ADAMTS20: variants seen among roughly 807,000 people sequenced by gnomAD.
ADAMTS20 encodes ADAM metallopeptidase with thrombospondin type 1 motif 20.
Under a neutral mutation model 260.1 loss-of-function variants are expected in ADAMTS20, and 225 were observed. The observed-to-expected ratio is 0.87, with a 90% CI of 0.78 to 0.97. ADAMTS20 has a LOEUF of 0.97. Ranked by LOEUF, ADAMTS20 falls within the 50% of genes least tolerant of loss-of-function variation. The probability of loss-of-function intolerance (pLI) is 0.00; values close to 1 mark genes in which losing one functional copy is unlikely to be tolerated. For missense variants in ADAMTS20, 2,400 were observed against 2,337.7 expected, an observed-to-expected ratio of 1.03 and a Z score of -0.55; for synonymous variants, 802 against 769.5, an observed-to-expected ratio of 1.04 and a Z score of -0.70.
intron 27 of ADAMTS20, among the ~76,000 whole-genome samples, chr12:43,426,299 A>G (rs1244060589): frequency 6.6e-6 from 1 of 152,242 alleles, no homozygotes; most frequent in African/African-American, 2.4e-5. Context: ...AATTTTCAAA[A>G]TAAGTGCATG....
At chr12:43,434,394 T>TA (rs1225948117) in intron 18 of ADAMTS20, 23 bp from the exon 19 acceptor site, 1 of 1,546,806 alleles carries the variant, frequency 6.5e-7, no homozygotes. Context: ...CAAATGAAAA[T>TA]AAAAAATGAA....
chr12:43,545,820 C>T (rs9634308), intron 2 of ADAMTS20, among the ~76,000 whole-genome samples: 51,267 of 151,798 alleles, frequency 0.34, 8,927 homozygotes, highest in East Asian at 0.55. Context: ...AGCTCTTACA[C>T]AGCTCTCCAA....
chr12:43,422,081 C>T lies in ADAMTS20; in HGVS notation c.4284+3433G>A, dbSNP rs148411363. 4.7e-3 allele frequency among the ~76,000 whole-genome samples: 720 copies of T among 152,106 alleles called. 6 individuals carry two copies. Among genetic ancestry groups the T allele is most frequent in the African/African-American group, 0.016 (682 of 41,534 alleles). On this transcript the variant is annotated intron_variant, in intron 28 of 38. Coordinates refer to ENST00000389420, the MANE Select transcript of ADAMTS20 (RefSeq NM_025003.5). ...AACGGGTTAAAATACAATCATTTCA[C>T]GCTGACTAATCACCAAAAATGTAGC...
intron 28 of ADAMTS20, among the ~76,000 whole-genome samples, chr12:43,404,718 A>T (rs1307430392): frequency 6.6e-6 from 1 of 152,156 alleles, no homozygotes; most frequent in African/African-American, 2.4e-5. Context: ...AATATTTAAT[A>T]CACTAAAAAT....
chr12:43,435,626 G>C (rs1313260860), intron 18 of ADAMTS20, among the ~76,000 whole-genome samples: 4 of 131,880 alleles, frequency 3.0e-5, no homozygotes, highest in Non-Finnish European at 6.2e-5. Flanking sequence ...GGGCAACAGA[G>C]TGAGACTCCA....
At chr12:43,427,529 TG>T in intron 26 of ADAMTS20, 60 bp from the exon 27 acceptor site, 1 of 1,437,144 alleles carries the variant, frequency 7.0e-7, no homozygotes, top group Non-Finnish European at 9.2e-7. Flanking sequence ...TGAATTTACA[TG>T]GTAAAAAAAA....
chr12:43,384,371 C>G (rs1940424617), intron 29 of ADAMTS20, among the ~76,000 whole-genome samples: 2 of 152,140 alleles, frequency 1.3e-5, no homozygotes, highest in Non-Finnish European at 2.9e-5. Flanking sequence ...CTCAAAGAAA[C>G]AATAATTTCC....
chr12:43,529,180 G>A (rs1943187126), intron 3 of ADAMTS20, among the ~76,000 whole-genome samples: 1 of 152,066 alleles, frequency 6.6e-6, no homozygotes, highest in Non-Finnish European at 1.5e-5. Flanking sequence ...TAGTGAAAGG[G>A]GAATGCTGAT....
intron 4 of ADAMTS20, among the ~76,000 whole-genome samples, chr12:43,496,982 T>G (rs1050891019): frequency 3.3e-5 from 5 of 152,138 alleles, no homozygotes; most frequent in Admixed American, 2.6e-4. Flanking sequence ...AGACTACACT[T>G]TAGGAAACAC....
rs1051689384 is a variant in ADAMTS20, at chr12:43,485,108, A to G, written c.1117+5287T>C. ...AAGGACGTAGCCAAAAAAAAAAAAA[A>G]AAAGCAACAACAACAACAACAAAAC... On this transcript the variant is annotated intron_variant, in intron 7 of 38. Transcript: ENST00000389420. Among the ~76,000 whole-genome samples, 7 of 132,592 alleles carry G rather than the reference A, an allele frequency of 5.3e-5. No individual in the cohort carries two copies. The Admixed American group carries it at 5.3e-4, about 10-fold the overall frequency. The allele number at this position is 132,592 out of a possible 152,430, so 87.0% of individuals were successfully genotyped here.
At chr12:43,389,670 G>A (rs1337803729) in intron 29 of ADAMTS20, among the ~76,000 whole-genome samples, 1 of 151,544 alleles carries the variant, frequency 6.6e-6, no homozygotes, top group African/African-American at 2.4e-5. Flanking sequence ...CATCAGCTTA[G>A]TGGGGACAAT....
In ADAMTS20 at chr12:43,432,307, G is replaced by C. The variant is rs111396063; in HGVS notation, c.3093C>G (p.Ser1031Arg). 3.3e-5 allele frequency: 53 copies of C among 1,613,306 alleles called. No homozygotes were observed. Among genetic ancestry groups the C allele is most frequent in the Non-Finnish European group, 4.2e-5 (49 of 1,179,698 alleles). The change falls in exon 21 of 39, where the codon AGC becomes AGG. Residue 1031 changes from serine (S) to arginine (R), a missense_variant. Coordinates refer to ENST00000389420, the MANE Select transcript of ADAMTS20 (RefSeq NM_025003.5). ...AAGCATCATGTGTTTAATGTACCTC[G>C]CTCCATTCACTAGCAGCCCAACTGG... Reference protein sequence around the residue: ...SCPSWAASEWSECLVTCGKGT... With the variant: ...SCPSWAASEWRECLVTCGKGT...
intron 7 of ADAMTS20, among the ~76,000 whole-genome samples, chr12:43,485,981 A>G (rs557693763): frequency 4.1e-4 from 63 of 152,310 alleles, no homozygotes; most frequent in South Asian, 6.2e-4. Flanking sequence ...GGAAAAATCA[A>G]TATCATTGAA....
intron 3 of ADAMTS20, among the ~76,000 whole-genome samples, chr12:43,511,656 T>C (rs1368752493): frequency 3.9e-5 from 6 of 152,180 alleles, no homozygotes; most frequent in African/African-American, 7.2e-5. Context: ...TGATGTACAA[T>C]AGGAACAATT....
intron 18 of ADAMTS20, among the ~76,000 whole-genome samples, chr12:43,436,273 A>C (rs1941553160): frequency 6.6e-6 from 1 of 152,180 alleles, no homozygotes; most frequent in Admixed American, 6.5e-5. Context: ...TTCCTCTGAC[A>C]GGGCGAATGT....
chr12:43,484,186 C>A (rs907860376), intron 7 of ADAMTS20, among the ~76,000 whole-genome samples: 3 of 151,984 alleles, frequency 2.0e-5, no homozygotes, highest in Admixed American at 6.6e-5. Context: ...CCAGTTGAAT[C>A]AAAAATAAAT....
chr12:43,526,412 C>G (rs1013008849), intron 3 of ADAMTS20, among the ~76,000 whole-genome samples: 7 of 151,994 alleles, frequency 4.6e-5, no homozygotes, highest in Admixed American at 2.6e-4. Flanking sequence ...GAGCCGAGAT[C>G]GTGCCACTGC....
intron 4 of ADAMTS20, among the ~76,000 whole-genome samples, chr12:43,494,886 CA>C (rs1343431959): frequency 6.6e-6 from 1 of 152,094 alleles, no homozygotes; most frequent in African/African-American, 2.4e-5. Flanking sequence ...AGGTAAAAGA[CA>C]AACCTCAAAG....
chr12:43,427,312 C>A lies in ADAMTS20; in HGVS notation c.4103G>T (p.Gly1368Val). The A allele has an allele frequency of 6.2e-7, 1 of 1,610,868 alleles. No individual in the cohort carries two copies. Among genetic ancestry groups the A allele is most frequent in the Non-Finnish European group, 8.5e-7 (1 of 1,179,000 alleles). ...PCPQWNYGNW[G>V]ECSQTCGGGI... ...TTAGAAAATATTATGACTTACTTCTCCCCAATTTCCGTAGTTCCACTGTGG... is the reference window on the plus strand; with the variant it reads ...TTAGAAAATATTATGACTTACTTCTACCCAATTTCCGTAGTTCCACTGTGG... Residue 1368 changes from glycine (G) to valine (V), a missense_variant, in exon 27 of 39, where the codon GGA becomes GTA. Coordinates refer to ENST00000389420, the MANE Select transcript of ADAMTS20 (RefSeq NM_025003.5).
Sources: gnomAD v4.1 joint callset for allele counts (sites outside exome capture counted in the v4.1 genomes callset) on GRCh38, gnomAD v4.1.1 for gene constraint, MANE v1.5 for transcripts, NCBI Gene and HGNC (gene_info 2026-07-23, HGNC 2026-07-21) for gene names.